TUSC3: variants seen among roughly 807,000 people sequenced by gnomAD.
TUSC3 encodes the protein tumor suppressor candidate 3.
A neutral mutation model predicts 44.8 loss-of-function variants in TUSC3; 45 were observed. The ratio of observed to expected loss-of-function variants is 1.00; its 90% CI spans 0.79 to 1.29. The LOEUF (loss-of-function observed/expected upper bound fraction) is 1.29, where lower values mean the gene tolerates loss of function less well. Among genes scored for constraint, TUSC3 ranks in the 50% most tolerant of loss-of-function variants. The pLI is 0.00. For missense variants in TUSC3, 519 were observed against 437.9 expected (o/e 1.19, Z -1.65); for synonymous variants, 212 against 152.9 (o/e 1.39, Z -2.85).
At chr8:15,601,916 T>TG (rs1804301553) in intron 1 of TUSC3, among the ~76,000 whole-genome samples, 8 of 38,288 alleles carry the variant, frequency 2.1e-4, no homozygotes, top group Admixed American at 1.5e-3. Context: ...GTTATTTATG[T>TG]ATTTTTTTTT....
chr8:15,578,200 TAAG>T (rs1349000819), intron 1 of TUSC3, among the ~76,000 whole-genome samples: 6 of 115,330 alleles, frequency 5.2e-5, no homozygotes, highest in Non-Finnish European at 8.9e-5. Context: ...CTTATCAGCT[TAAG>T]GAGATTTTGG....
At chr8:15,606,375 A>G (rs1301774801) in intron 1 of TUSC3, among the ~76,000 whole-genome samples, 2 of 152,004 alleles carry the variant, frequency 1.3e-5, no homozygotes, top group African/African-American at 4.8e-5. Flanking sequence ...TTAATTGACT[A>G]TGTTATTGGT....
intron 6 of TUSC3, among the ~76,000 whole-genome samples, chr8:15,682,538 C>T (rs1808468675): frequency 6.6e-6 from 1 of 151,992 alleles, no homozygotes; most frequent in African/African-American, 2.4e-5. Context: ...TTACTTTGAG[C>T]CTGTGAGTAT....
At chr8:15,644,262 C>A (rs1233435489) in intron 2 of TUSC3, among the ~76,000 whole-genome samples, 1 of 152,194 alleles carries the variant, frequency 6.6e-6, no homozygotes, top group African/African-American at 2.4e-5. Flanking sequence ...CTAAGCCTTC[C>A]TGGATCCTTT....
At chr8:15,605,126 G>A (rs983167159) in intron 1 of TUSC3, among the ~76,000 whole-genome samples, 2 of 151,816 alleles carry the variant, frequency 1.3e-5, no homozygotes, top group African/African-American at 4.8e-5. Flanking sequence ...TTCTCAAATA[G>A]CAGCCTGACC....
At chr8:15,717,775 G>A (rs957697207) in intron 6 of TUSC3, among the ~76,000 whole-genome samples, 1 of 151,932 alleles carries the variant, frequency 6.6e-6, no homozygotes, top group South Asian at 2.1e-4. Flanking sequence ...ATTAATTTGT[G>A]ATCTGCTGAA....
intron 2 of TUSC3, among the ~76,000 whole-genome samples, chr8:15,511,871 A>AG (rs1801140750): frequency 6.6e-6 from 1 of 151,992 alleles, no homozygotes; most frequent in Non-Finnish European, 1.5e-5. Context: ...ACAGTCTCAA[A>AG]AAAAAAAGAA....
At chr8:15,547,024 G>A (rs1485019537) in intron 1 of TUSC3, among the ~76,000 whole-genome samples, 4 of 151,448 alleles carry the variant, frequency 2.6e-5, no homozygotes, top group Non-Finnish European at 5.9e-5. Flanking sequence ...TTAATGAACA[G>A]AAAAAAGTTA....
chr8:15,714,180 G>T (rs1809973141), intron 6 of TUSC3, among the ~76,000 whole-genome samples: 1 of 152,112 alleles, frequency 6.6e-6, no homozygotes, highest in Non-Finnish European at 1.5e-5. Context: ...AACTTAAAAT[G>T]CTCTGTTATT....
chr8:15,643,336 A>G (rs1563150356), intron 2 of TUSC3, among the ~76,000 whole-genome samples: 1 of 152,138 alleles, frequency 6.6e-6, no homozygotes. Context: ...AATGCGTTAA[A>G]TGATTTCCTT....
At chr8:15,758,537 C>T (rs554515215) in intron 10 of TUSC3, among the ~76,000 whole-genome samples, 2 of 152,114 alleles carry the variant, frequency 1.3e-5, no homozygotes, top group South Asian at 2.1e-4. Flanking sequence ...ACATCAAAAG[C>T]AGCTCTGGAG....
intron 6 of TUSC3, among the ~76,000 whole-genome samples, chr8:15,715,165 T>A (rs927990326): frequency 2.4e-4 from 37 of 152,134 alleles, no homozygotes; most frequent in Non-Finnish European, 7.4e-5. Context: ...CATCATTCAG[T>A]GCTTGAAATC....
intron 9 of TUSC3, among the ~76,000 whole-genome samples, chr8:15,749,815 A>G (rs371184957): frequency 3.4e-5 from 5 of 146,966 alleles, no homozygotes; most frequent in African/African-American, 7.6e-5. Context: ...CCTGTGTTCT[A>G]TAATGGAAAC....
chr8:15,439,835 C>G (rs1799997873), intron 1 of TUSC3, among the ~76,000 whole-genome samples: 2 of 152,174 alleles, frequency 1.3e-5, no homozygotes, highest in South Asian at 4.1e-4. Flanking sequence ...ACAAATCTGT[C>G]TACTCCAAGT....
chr8:15,603,548 A>C (rs755380464), intron 1 of TUSC3, among the ~76,000 whole-genome samples: 1 of 151,682 alleles, frequency 6.6e-6, no homozygotes, highest in Non-Finnish European at 1.5e-5. Context: ...AGTACAATAT[A>C]TAGGATTATA....
chr8:15,675,854 G>A (rs181455872), intron 6 of TUSC3, among the ~76,000 whole-genome samples: 2 of 152,208 alleles, frequency 1.3e-5, no homozygotes, highest in Admixed American at 1.3e-4. Flanking sequence ...CACCTCAGTT[G>A]CTTCCATATC....
intron 7 of TUSC3, among the ~76,000 whole-genome samples, chr8:15,738,445 C>T (rs1811028784): frequency 1.3e-5 from 2 of 152,292 alleles, no homozygotes; most frequent in Middle Eastern, 3.4e-3. Context: ...AACCTGCCTG[C>T]TATTTTTGTA....
At chr8:15,470,895 G>T (rs1299139245) in intron 1 of TUSC3, among the ~76,000 whole-genome samples, 4 of 152,160 alleles carry the variant, frequency 2.6e-5, no homozygotes, top group Non-Finnish European at 4.4e-5. Context: ...TTCCTGCCTT[G>T]TGCCCTGAGC....
chr8:15,517,993 C>A (rs57727360), intron 2 of TUSC3, among the ~76,000 whole-genome samples: 57,570 of 147,462 alleles, frequency 0.39, 11,180 homozygotes, highest in South Asian at 0.61. Context: ...CAAAAAAAAA[C>A]CCCCATACAC....
Sources: allele counts gnomAD v4.1 joint callset (sites outside exome capture counted in the v4.1 genomes callset), GRCh38; gene constraint gnomAD v4.1.1; transcripts MANE v1.5; gene names NCBI Gene and HGNC (gene_info 2026-07-23, HGNC 2026-07-21).